CNTNAP2: variants seen among roughly 807,000 people sequenced by gnomAD.
The protein encoded by CNTNAP2 is contactin associated protein 2.
CNTNAP2 carries 98 observed loss-of-function variants against 155.2 expected under a neutral mutation model. The observed-to-expected ratio is 0.63, with a 90% CI of 0.54 to 0.75. The LOEUF (loss-of-function observed/expected upper bound fraction) is 0.75. Among genes scored for constraint, CNTNAP2 ranks in the 30% least tolerant of loss-of-function variants. CNTNAP2 has a pLI of 0.00. For missense variants in CNTNAP2, 1,727 were observed against 1,688.1 expected (o/e 1.02, Z -0.40); for synonymous variants, 651 against 631.2 (o/e 1.03, Z -0.47).
intron 14 of CNTNAP2, among the ~76,000 whole-genome samples, chr7:147,907,834 T>C (rs993634378): frequency 6.6e-6 from 1 of 152,122 alleles, no homozygotes; most frequent in African/African-American, 2.4e-5. Flanking sequence ...CAGGCTGAGG[T>C]ACAGTAGTGT....
intron 3 of CNTNAP2, among the ~76,000 whole-genome samples, chr7:146,938,130 G>C (rs978860925): frequency 2.8e-4 from 42 of 152,216 alleles, no homozygotes; most frequent in African/African-American, 9.9e-4. Flanking sequence ...GGGGTAAGAT[G>C]TCTGATCTCT....
chr7:147,214,409 T>A (rs1803222777), intron 8 of CNTNAP2, among the ~76,000 whole-genome samples: 1 of 152,156 alleles, frequency 6.6e-6, no homozygotes, highest in Admixed American at 6.6e-5. Flanking sequence ...GGTTTGCTCC[T>A]TTGTAAAATG....
intron 13 of CNTNAP2, among the ~76,000 whole-genome samples, chr7:147,714,854 C>T (rs183575785): frequency 6.6e-6 from 1 of 152,196 alleles, no homozygotes. Flanking sequence ...CACCCTCATC[C>T]CTTACCCCTG....
intron 1 of CNTNAP2, among the ~76,000 whole-genome samples, chr7:146,121,073 C>T (rs79581966): frequency 0.04 from 5,688 of 141,064 alleles, 411 homozygotes; most frequent in African/African-American, 0.14. Context: ...GTAAATTCTT[C>T]TAGACAAAAA....
intron 2 of CNTNAP2, among the ~76,000 whole-genome samples, chr7:146,788,860 C>T (rs905988210): frequency 2.0e-5 from 3 of 151,214 alleles, no homozygotes; most frequent in Non-Finnish European, 4.4e-5. Context: ...GTTTTTTCGT[C>T]TATCTCTATC....
intron 3 of CNTNAP2, among the ~76,000 whole-genome samples, chr7:146,941,192 C>T (rs1003619044): frequency 6.6e-6 from 1 of 152,012 alleles, no homozygotes; most frequent in African/African-American, 2.4e-5. Context: ...TTCTTCTTCT[C>T]TTACTGTCTT....
intron 11 of CNTNAP2, among the ~76,000 whole-genome samples, chr7:147,551,590 T>G (rs1799853177): frequency 6.6e-6 from 1 of 152,218 alleles, no homozygotes. Flanking sequence ...CCTACATTTA[T>G]ATAATCCTCA....
intron 13 of CNTNAP2, among the ~76,000 whole-genome samples, chr7:147,762,607 T>C (rs1797319769): frequency 6.6e-6 from 1 of 151,258 alleles, no homozygotes; most frequent in African/African-American, 2.5e-5. Flanking sequence ...TAACTGGAAT[T>C]AACTGTTAAT....
chr7:148,382,495 A>T (rs200773160), intron 21 of CNTNAP2, among the ~76,000 whole-genome samples: 1 of 14,680 alleles, frequency 6.8e-5, no homozygotes, highest in Admixed American at 1.6e-3. Context: ...GGGAGTCACA[A>T]GTTTTCTACC....
chr7:147,077,285 T>C (rs1322140724), intron 4 of CNTNAP2, among the ~76,000 whole-genome samples: 2 of 152,174 alleles, frequency 1.3e-5, no homozygotes, highest in African/African-American at 4.8e-5. Context: ...TATCTTTAGT[T>C]CTAAAATTAC....
intron 3 of CNTNAP2, among the ~76,000 whole-genome samples, chr7:146,941,353 A>C (rs1797052351): frequency 6.6e-6 from 1 of 152,148 alleles, no homozygotes; most frequent in African/African-American, 2.4e-5. Flanking sequence ...CTTATCTTTG[A>C]TCACAAAAAA....
chr7:146,954,280 AGC>A (rs1797386881), intron 3 of CNTNAP2, among the ~76,000 whole-genome samples: 1 of 151,966 alleles, frequency 6.6e-6, no homozygotes, highest in African/African-American at 2.4e-5. Context: ...ATGGACACAC[AGC>A]AGATACATGT....
At chr7:148,249,527 C>T (rs1197869074) in intron 20 of CNTNAP2, among the ~76,000 whole-genome samples, 1 of 152,180 alleles carries the variant, frequency 6.6e-6, no homozygotes, top group Non-Finnish European at 1.5e-5. Flanking sequence ...TCAACCCAAA[C>T]CTCGCCATGA....
At chr7:147,032,335 C>T (rs1799051086) in intron 3 of CNTNAP2, among the ~76,000 whole-genome samples, 2 of 152,190 alleles carry the variant, frequency 1.3e-5, no homozygotes, top group South Asian at 4.1e-4. Context: ...CACTTTCCTT[C>T]TGTGGCACAT....
At chr7:147,583,241 T>A (rs1800543622) in intron 12 of CNTNAP2, among the ~76,000 whole-genome samples, 1 of 151,976 alleles carries the variant, frequency 6.6e-6, no homozygotes, top group African/African-American at 2.4e-5. Flanking sequence ...CTATGGCAGT[T>A]CCACATAATC....
intron 1 of CNTNAP2, among the ~76,000 whole-genome samples, chr7:146,325,588 G>GC (rs965447691): frequency 1.3e-5 from 2 of 151,688 alleles, no homozygotes; most frequent in African/African-American, 2.4e-5. Flanking sequence ...AGATGGACAC[G>GC]CCCCCCTATA....
intron 1 of CNTNAP2, among the ~76,000 whole-genome samples, chr7:146,679,347 CTT>C (rs34541415): frequency 3.7e-5 from 4 of 106,928 alleles, no homozygotes; most frequent in South Asian, 3.3e-4. Flanking sequence ...GATCTTGTTT[CTT>C]TTTTTTTTTT....
chr7:147,206,163 T>C (rs936638197), intron 8 of CNTNAP2, among the ~76,000 whole-genome samples: 2 of 151,950 alleles, frequency 1.3e-5, no homozygotes, highest in African/African-American at 4.8e-5. Flanking sequence ...TCTCAACTCA[T>C]GCTTACAAGC....
At chr7:147,090,555 T>A (rs1800380457) in intron 4 of CNTNAP2, among the ~76,000 whole-genome samples, 1 of 152,204 alleles carries the variant, frequency 6.6e-6, no homozygotes, top group Non-Finnish European at 1.5e-5. Flanking sequence ...GATACTTTTT[T>A]AATGTTCTAG....
Sources: gnomAD v4.1 joint callset for allele counts (sites outside exome capture counted in the v4.1 genomes callset) on GRCh38, gnomAD v4.1.1 for gene constraint, MANE v1.5 for transcripts, NCBI Gene and HGNC (gene_info 2026-07-23, HGNC 2026-07-21) for gene names.